Variants in AGAP1 observed in about 807,000 individuals in gnomAD.
AGAP1 encodes arf-GAP with GTPase, ANK repeat and PH domain-containing protein 1.
A neutral mutation model predicts 105.3 loss-of-function variants in AGAP1; 29 were observed. That is an observed-to-expected ratio of 0.28 (90% CI 0.21 to 0.38). The LOEUF is 0.38. AGAP1 is among the 10% of genes least tolerant of loss of function. The pLI is 1.00. For synonymous variants in AGAP1, 509 were observed against 485.9 expected (o/e 1.05, Z -0.63); for missense variants, 998 against 1,165.1 (o/e 0.86, Z 2.09).
chr2:235,894,301 A>G (rs1163858968), intron 10 of AGAP1, among the ~76,000 whole-genome samples: 1 of 152,142 alleles, frequency 6.6e-6, no homozygotes, highest in Non-Finnish European at 1.5e-5. Flanking sequence ...CCGAAGAGAT[A>G]ATCCCCATTG....
chr2:235,764,024 G>GTGGCTGTGACCCGTGCA (rs1954698336), intron 6 of AGAP1, among the ~76,000 whole-genome samples: 2 of 151,756 alleles, frequency 1.3e-5, no homozygotes, highest in African/African-American at 4.8e-5. Flanking sequence ...TGACCCGTGC[G>GTGGCTGTGACCCGTGCA]TGGCTTTGGC....
At chr2:235,713,049 C>G (rs1950929494) in intron 2 of AGAP1, among the ~76,000 whole-genome samples, 1 of 152,200 alleles carries the variant, frequency 6.6e-6, no homozygotes, top group Non-Finnish European at 1.5e-5. Flanking sequence ...GATTGATTGC[C>G]CTAAGGGAGA....
intron 13 of AGAP1, among the ~76,000 whole-genome samples, chr2:236,026,012 C>T (rs371496181): frequency 1.3e-5 from 2 of 152,154 alleles, no homozygotes; most frequent in African/African-American, 2.4e-5. Flanking sequence ...GGCTCCCTGC[C>T]ACCTCCCATC....
chr2:235,995,065 C>CA (rs58097220), intron 13 of AGAP1, among the ~76,000 whole-genome samples: 697 of 60,966 alleles, frequency 0.011, 87 homozygotes, highest in Admixed American at 0.021. Flanking sequence ...GACTCTGTCT[C>CA]AAAAAAAAAA....
At chr2:235,834,152 C>T (rs1037056927) in intron 9 of AGAP1, among the ~76,000 whole-genome samples, 1 of 152,136 alleles carries the variant, frequency 6.6e-6, no homozygotes, top group African/African-American at 2.4e-5. Context: ...TCAGCGTGAT[C>T]ACCGTGGTCA....
At chr2:235,731,654 G>A (rs1055453762) in intron 3 of AGAP1, among the ~76,000 whole-genome samples, 3 of 152,138 alleles carry the variant, frequency 2.0e-5, no homozygotes, top group Non-Finnish European at 1.5e-5. Context: ...AAATGGTATA[G>A]TCATCATCGT....
chr2:236,112,008 T>C (rs2059657315), intron 16 of AGAP1, among the ~76,000 whole-genome samples: 1 of 152,182 alleles, frequency 6.6e-6, no homozygotes, highest in South Asian at 2.1e-4. Flanking sequence ...GGCTCCCACG[T>C]GGTCTTCCCT....
At chr2:235,524,746 G>A (rs10207027) in intron 1 of AGAP1, among the ~76,000 whole-genome samples, 135,024 of 152,228 alleles carry the variant, frequency 0.89, 60,209 homozygotes, top group East Asian at 0.99. Context: ...TAGGGACCTC[G>A]TCCCTTTCTT....
At position 235,788,070 on chromosome 2, in the gene AGAP1, A is replaced by G. The variant is rs1956758156; in HGVS notation, c.674-9689A>G. Reference sequence around the variant, plus strand: ...CAACGCTGCAGCCTCTGAGTCATGCATGCCTCATGGGGTCATCCTGACTTA... The same window carrying G: ...CAACGCTGCAGCCTCTGAGTCATGCGTGCCTCATGGGGTCATCCTGACTTA... On this transcript the variant is annotated intron_variant, in intron 6 of 17. Coordinates refer to ENST00000304032, the MANE Select transcript of AGAP1 (RefSeq NM_001037131.3). The surrounding 1 kb of genome is among the most constrained non-coding windows in gnomAD (Gnocchi z 6.0). 6.6e-6 allele frequency among the ~76,000 whole-genome samples: 1 copy of G among 152,206 alleles called. No homozygotes were observed. The highest frequency in any genetic ancestry group is 1.5e-5 in the Non-Finnish European group (1 of 68,040).
Position 235,621,380 on chromosome 2 carries a change from T to C in AGAP1, c.164-87799T>C, listed in dbSNP as rs1946473257. On this transcript the variant is annotated intron_variant, in intron 1 of 17. Coordinates refer to ENST00000304032, the MANE Select transcript of AGAP1 (RefSeq NM_001037131.3). This position sits in a 1 kb window ranked among gnomAD's most constrained non-coding sequence, Gnocchi z 4.1. ...CATATGTTTCAATAAAATGGGTATG[T>C]TAACAGTCTCTACCTCCCAGAGTGG... Among the ~76,000 whole-genome samples, 1 of 152,192 alleles carries C rather than the reference T, an allele frequency of 6.6e-6. No homozygotes were observed. The highest frequency in any genetic ancestry group is 1.5e-5 in the Non-Finnish European group (1 of 68,036).
chr2:235,497,203 T>C (rs1941355262), intron 1 of AGAP1, among the ~76,000 whole-genome samples: 2 of 152,154 alleles, frequency 1.3e-5, no homozygotes, highest in Admixed American at 1.3e-4. Context: ...ATGACCTCCT[T>C]AACATTTGAC....
At chr2:236,015,645 A>G (rs1362655176) in intron 13 of AGAP1, among the ~76,000 whole-genome samples, 1 of 152,124 alleles carries the variant, frequency 6.6e-6, no homozygotes. Flanking sequence ...AAGCGCACAT[A>G]AGGGAGGCGG....
At chr2:235,624,093 CTT>C (rs931718205) in intron 1 of AGAP1, among the ~76,000 whole-genome samples, 3 of 152,210 alleles carry the variant, frequency 2.0e-5, no homozygotes, top group Admixed American at 1.3e-4. Context: ...GCAAGTGAGA[CTT>C]TGTGAAAGGA....
chr2:235,587,755 T>TA (rs35736390), intron 1 of AGAP1, among the ~76,000 whole-genome samples: 6,823 of 145,286 alleles, frequency 0.047, 411 homozygotes, highest in African/African-American at 0.15. Flanking sequence ...AACTCCGCCT[T>TA]AAAAAAAAAA....
rs551570413 is a variant in AGAP1 at position 235,905,168 on chromosome 2, A to G, written c.1156-3570A>G. Among the ~76,000 whole-genome samples, 44 of 152,300 alleles carry G rather than the reference A, an allele frequency of 2.9e-4. 1 individual carries two copies. In the South Asian group the frequency reaches 8.1e-3, roughly 28 times the overall value. ...GGTTATTGTATGTTAAAACATGCCT[A>G]TTAAAAGAGCCCATGCTGAGGCTTA... On this transcript the variant is annotated intron_variant, in intron 10 of 17. Coordinates refer to ENST00000304032, the MANE Select transcript of AGAP1 (RefSeq NM_001037131.3). This position sits in a 1 kb window ranked among gnomAD's most constrained non-coding sequence, Gnocchi z 4.2.
chr2:235,604,019 A>G (rs941068051), intron 1 of AGAP1, among the ~76,000 whole-genome samples: 2 of 152,142 alleles, frequency 1.3e-5, no homozygotes, highest in Admixed American at 1.3e-4. Flanking sequence ...AAACTGTTGC[A>G]TAGCAGGTGG....
chr2:235,803,052 G>GGTGA, intron 8 of AGAP1, among the ~76,000 whole-genome samples: 1 of 1,468 alleles, frequency 6.8e-4, no homozygotes, highest in African/African-American at 1.9e-3. Context: ...GATGGTTGTG[G>GGTGA]TGATGGTGGT....
intron 11 of AGAP1, among the ~76,000 whole-genome samples, chr2:235,910,285 T>TAGGCAGTCACTGA (rs66460733): frequency 5.1e-4 from 77 of 151,804 alleles, no homozygotes; most frequent in Admixed American, 7.9e-4. Context: ...CTGCCTGTGT[T>TAGGCAGTCACTGA]GCAGGGGGGC....
At position 235,623,606 on chromosome 2, in the gene AGAP1, C is replaced by G. The variant is rs140015021; in HGVS notation, c.164-85573C>G. ...CTGAAGCTGTGGGCCATTGAGCCAGCCTGGAGATGCATGGTAGGTTAGGGT... is the reference window on the plus strand; with the variant it reads ...CTGAAGCTGTGGGCCATTGAGCCAGGCTGGAGATGCATGGTAGGTTAGGGT... On this transcript the variant is annotated intron_variant, in intron 1 of 17. Transcript: ENST00000304032. This position sits in a 1 kb window ranked among gnomAD's most constrained non-coding sequence, Gnocchi z 4.5. 1.7e-4 allele frequency among the ~76,000 whole-genome samples: 26 copies of G among 152,218 alleles called. No homozygotes were observed. In the East Asian group the frequency reaches 4.2e-3, roughly 25 times the overall value.
Sources: allele counts gnomAD v4.1 joint callset (sites outside exome capture counted in the v4.1 genomes callset), GRCh38; gene constraint gnomAD v4.1.1; non-coding constraint Gnocchi (gnomAD v3.1); transcripts MANE v1.5; gene names NCBI Gene and HGNC (gene_info 2026-07-23, HGNC 2026-07-21).